The following NKAIN2 variants were observed in gnomAD, a reference collection of about 807,000 sequenced individuals.
The protein encoded by NKAIN2 is sodium/potassium-transporting ATPase subunit beta-1-interacting protein 2.
In NKAIN2, 14 loss-of-function variants were observed where a neutral mutation model predicts 32.6. The ratio of observed to expected loss-of-function variants is 0.43; its 90% CI spans 0.28 to 0.67. The LOEUF (loss-of-function observed/expected upper bound fraction) is 0.67. NKAIN2 is among the 30% of genes least tolerant of loss of function. The pLI is 0.17. For missense variants in NKAIN2, 198 were observed against 258.3 expected (o/e 0.77, Z 1.60); for synonymous variants, 80 against 87.2 (o/e 0.92, Z 0.46).
intron 4 of NKAIN2, among the ~76,000 whole-genome samples, chr6:124,724,232 T>C (rs745579389): frequency 6.6e-6 from 1 of 151,954 alleles, no homozygotes; most frequent in Non-Finnish European, 1.5e-5. Flanking sequence ...AATGAGTAAT[T>C]TCCTGACCAA....
intron 1 of NKAIN2, among the ~76,000 whole-genome samples, chr6:123,968,293 A>G (rs1778187232): frequency 6.6e-6 from 1 of 151,992 alleles, no homozygotes; most frequent in Non-Finnish European, 1.5e-5. Flanking sequence ...ATGCCCTTCA[A>G]TTAATCACAT....
intron 1 of NKAIN2, among the ~76,000 whole-genome samples, chr6:123,873,319 G>A (rs1377469014): frequency 6.6e-6 from 1 of 152,068 alleles, no homozygotes; most frequent in Non-Finnish European, 1.5e-5. Flanking sequence ...GAGGGATGAG[G>A]TTGTTGTTAG....
At chr6:124,555,667 G>A (rs1780447773) in intron 3 of NKAIN2, among the ~76,000 whole-genome samples, 1 of 151,988 alleles carries the variant, frequency 6.6e-6, no homozygotes, top group African/African-American at 2.4e-5. Context: ...TTTTTCAAAG[G>A]CAAATGGATG....
At chr6:124,376,219 C>A (rs889332038) in intron 3 of NKAIN2, among the ~76,000 whole-genome samples, 6 of 152,064 alleles carry the variant, frequency 3.9e-5, no homozygotes, top group African/African-American at 1.2e-4. Flanking sequence ...TTCAGCCACA[C>A]ATACATATGC....
chr6:124,038,668 A>ACTC, intron 1 of NKAIN2, among the ~76,000 whole-genome samples: 1 of 152,064 alleles, frequency 6.6e-6, no homozygotes, highest in East Asian at 1.9e-4. Context: ...ACAATCACCT[A>ACTC]CTCCGAATTT....
chr6:124,241,691 G>T (rs1793105053), intron 1 of NKAIN2, among the ~76,000 whole-genome samples: 1 of 152,152 alleles, frequency 6.6e-6, no homozygotes, highest in South Asian at 2.1e-4. Flanking sequence ...CTAGCCATAT[G>T]CACCCTTGTT....
chr6:123,884,733 C>T (rs1367035914), intron 1 of NKAIN2, among the ~76,000 whole-genome samples: 1 of 151,942 alleles, frequency 6.6e-6, no homozygotes, highest in Non-Finnish European at 1.5e-5. Context: ...TTCATGTCCA[C>T]TGGTCATGAT....
intron 4 of NKAIN2, among the ~76,000 whole-genome samples, chr6:124,785,636 T>G (rs773231985): frequency 2.6e-5 from 4 of 152,098 alleles, no homozygotes; most frequent in Non-Finnish European, 5.9e-5. Flanking sequence ...CATTGAGACT[T>G]AAGGTGGGAA....
At chr6:124,593,484 C>T (rs1369120779) in intron 3 of NKAIN2, among the ~76,000 whole-genome samples, 1 of 152,110 alleles carries the variant, frequency 6.6e-6, no homozygotes, top group Non-Finnish European at 1.5e-5. Context: ...TCCTTCTCCT[C>T]CCCTCCATAG....
chr6:124,166,236 G>A (rs1243129186), intron 1 of NKAIN2, among the ~76,000 whole-genome samples: 46 of 147,544 alleles, frequency 3.1e-4, no homozygotes, highest in Non-Finnish European at 6.0e-4. Flanking sequence ...GTATCTCATT[G>A]TGGTTTTGAT....
At chr6:124,241,763 C>T (rs889902217) in intron 1 of NKAIN2, among the ~76,000 whole-genome samples, 7 of 152,050 alleles carry the variant, frequency 4.6e-5, no homozygotes, top group Non-Finnish European at 1.0e-4. Context: ...TACTATAAAT[C>T]CCTCCACTGT....
At chr6:124,232,267 T>C (rs888860310) in intron 1 of NKAIN2, among the ~76,000 whole-genome samples, 58 of 152,158 alleles carry the variant, frequency 3.8e-4, no homozygotes, top group African/African-American at 1.4e-3. Context: ...AATCTATGGA[T>C]TGATCAGCAA....
chr6:124,030,430 T>C (rs1271950568), intron 1 of NKAIN2, among the ~76,000 whole-genome samples: 1 of 152,232 alleles, frequency 6.6e-6, no homozygotes, highest in African/African-American at 2.4e-5. Context: ...AAAAGTTGGC[T>C]ATCCCGTCAT....
chr6:123,826,537 C>T (rs1318287067), intron 1 of NKAIN2, among the ~76,000 whole-genome samples: 1 of 152,094 alleles, frequency 6.6e-6, no homozygotes, highest in Non-Finnish European at 1.5e-5. Flanking sequence ...CCCTGAGTAC[C>T]TGGCACTACC....
At chr6:124,756,704 T>C (rs1331932383) in intron 4 of NKAIN2, among the ~76,000 whole-genome samples, 4 of 152,024 alleles carry the variant, frequency 2.6e-5, no homozygotes, top group Non-Finnish European at 5.9e-5. Flanking sequence ...AGAAGCAAAA[T>C]GAAGAAATTC....
chr6:124,185,655 A>G (rs1486443791), intron 1 of NKAIN2, among the ~76,000 whole-genome samples: 1 of 152,210 alleles, frequency 6.6e-6, no homozygotes, highest in African/African-American at 2.4e-5. Context: ...ACTTCATGAA[A>G]TAGCATTTTG....
intron 1 of NKAIN2, among the ~76,000 whole-genome samples, chr6:124,046,470 A>G (rs1306231294): frequency 1.3e-5 from 2 of 152,182 alleles, no homozygotes; most frequent in East Asian, 3.9e-4. Context: ...AACTTATTTA[A>G]CTTTGCTTAA....
chr6:124,605,747 A>G lies in NKAIN2; in HGVS notation c.274-52439A>G, dbSNP rs1287580113. On this transcript the variant is annotated intron_variant, in intron 3 of 6. Coordinates refer to ENST00000368417, the MANE Select transcript of NKAIN2 (RefSeq NM_001040214.3). Reference sequence around the variant, plus strand: ...AGAACTCTCATTTTATAAATTTAGGACAGGCTGCCATGGCTACCTAAAAGG... The same window carrying G: ...AGAACTCTCATTTTATAAATTTAGGGCAGGCTGCCATGGCTACCTAAAAGG... 2.0e-5 allele frequency among the ~76,000 whole-genome samples: 3 copies of G among 152,024 alleles called. No individual in the cohort carries two copies. The East Asian group carries it at 5.8e-4, about 29-fold the overall frequency.
chr6:124,328,535 T>C (rs1797512446), intron 2 of NKAIN2, among the ~76,000 whole-genome samples: 1 of 152,140 alleles, frequency 6.6e-6, no homozygotes, highest in African/African-American at 2.4e-5. Context: ...GAGATGGAGA[T>C]TTACATGCAG....
Sources: allele counts gnomAD v4.1 joint callset (sites outside exome capture counted in the v4.1 genomes callset), GRCh38; gene constraint gnomAD v4.1.1; transcripts MANE v1.5; gene names NCBI Gene and HGNC (gene_info 2026-07-23, HGNC 2026-07-21).